Variants in GPC6 observed in about 807,000 individuals in gnomAD.
GPC6 encodes glypican-6.
GPC6 carries 14 observed loss-of-function variants against 55.2 expected under a neutral mutation model. The ratio of observed to expected loss-of-function variants is 0.25; its 90% confidence interval spans 0.17 to 0.40. The LOEUF is 0.40. Ranked by LOEUF, GPC6 falls within the 10% of genes least tolerant of loss-of-function variation. The probability of loss-of-function intolerance (pLI) is 1.00; values close to 1 mark genes in which losing one functional copy is unlikely to be tolerated. For synonymous variants in GPC6, 278 were observed against 259.6 expected (o/e 1.07, Z -0.68); for missense variants, 641 against 708.5 (o/e 0.90, Z 1.08).
At chr13:93,548,740 C>T (rs1260304619) in intron 2 of GPC6, among the ~76,000 whole-genome samples, 1 of 152,266 alleles carries the variant, frequency 6.6e-6, no homozygotes, top group East Asian at 1.9e-4. Flanking sequence ...CTATGCTTAG[C>T]TCCAGGATTA....
At chr13:94,332,808 C>T (rs138124495) in intron 6 of GPC6, among the ~76,000 whole-genome samples, 1 of 152,230 alleles carries the variant, frequency 6.6e-6, no homozygotes, top group East Asian at 1.9e-4. Context: ...TTGCTATGAG[C>T]GAATTTGATG....
At chr13:94,040,321 G>A (rs1883486394) in intron 4 of GPC6, among the ~76,000 whole-genome samples, 1 of 151,916 alleles carries the variant, frequency 6.6e-6, no homozygotes, top group Non-Finnish European at 1.5e-5. Context: ...CAATATGTAA[G>A]GACCAAGGTA....
intron 7 of GPC6, among the ~76,000 whole-genome samples, chr13:94,397,501 G>T (rs903868292): frequency 6.6e-6 from 1 of 151,900 alleles, no homozygotes; most frequent in East Asian, 1.9e-4. Context: ...CTACCTAATC[G>T]AACCCAAGAT....
At chr13:93,258,519 C>T (rs1877030917) in intron 1 of GPC6, among the ~76,000 whole-genome samples, 1 of 152,090 alleles carries the variant, frequency 6.6e-6, no homozygotes, top group Non-Finnish European at 1.5e-5. Context: ...CCTAGTTCTT[C>T]ACCCCCAAGT....
intron 1 of GPC6, among the ~76,000 whole-genome samples, chr13:93,330,244 G>C (rs1337442107): frequency 6.6e-6 from 1 of 152,180 alleles, no homozygotes; most frequent in Non-Finnish European, 1.5e-5. Context: ...AATGCTCTTG[G>C]TTGGGTACAG....
intron 4 of GPC6, among the ~76,000 whole-genome samples, chr13:94,037,756 G>A (rs1460113702): frequency 2.6e-5 from 4 of 151,984 alleles, no homozygotes; most frequent in Middle Eastern, 3.4e-3. Flanking sequence ...GAGCATTTAG[G>A]AAGTAACTGT....
intron 1 of GPC6, among the ~76,000 whole-genome samples, chr13:93,470,679 T>A (rs919376123): frequency 2.6e-5 from 4 of 152,152 alleles, no homozygotes; most frequent in Non-Finnish European, 5.9e-5. Flanking sequence ...AGTATTCCCT[T>A]CTCTTTTTTT....
intron 1 of GPC6, among the ~76,000 whole-genome samples, chr13:93,504,482 G>GTTT (rs55771607): frequency 0.021 from 2,723 of 129,934 alleles, 132 homozygotes; most frequent in African/African-American, 0.059. Context: ...AAACAACATA[G>GTTT]TTTTTTTTTT....
intron 4 of GPC6, among the ~76,000 whole-genome samples, chr13:94,092,198 T>A (rs1285307666): frequency 6.6e-6 from 1 of 151,718 alleles, no homozygotes; most frequent in East Asian, 1.9e-4. Flanking sequence ...TACGATAGAT[T>A]ATTAACTATA....
chr13:94,100,029 G>A (rs1272981848), intron 4 of GPC6, among the ~76,000 whole-genome samples: 1 of 152,090 alleles, frequency 6.6e-6, no homozygotes, highest in African/African-American at 2.4e-5. Context: ...TAATACCTAG[G>A]TGATGAAATA....
chr13:93,958,780 G>A (rs1371350033), intron 3 of GPC6, among the ~76,000 whole-genome samples: 1 of 152,082 alleles, frequency 6.6e-6, no homozygotes, highest in Non-Finnish European at 1.5e-5. Flanking sequence ...TGGGCACTAA[G>A]GCCATTTTCA....
At chr13:93,569,132 A>G (rs1246716685) in intron 2 of GPC6, among the ~76,000 whole-genome samples, 1 of 152,186 alleles carries the variant, frequency 6.6e-6, no homozygotes, top group Non-Finnish European at 1.5e-5. Flanking sequence ...ATTTACATAG[A>G]ATGGATTTTG....
chr13:93,850,564 G>A (rs1175062753), intron 3 of GPC6, among the ~76,000 whole-genome samples: 1 of 151,638 alleles, frequency 6.6e-6, no homozygotes, highest in African/African-American at 2.4e-5. Flanking sequence ...CTAGTCACAA[G>A]GTATATGCAA....
chr13:93,731,685 C>T (rs536089864), intron 2 of GPC6, among the ~76,000 whole-genome samples: 12 of 152,120 alleles, frequency 7.9e-5, no homozygotes, highest in African/African-American at 2.9e-4. Flanking sequence ...ATCCATTGTA[C>T]ATCTAGATAT....
chr13:94,286,214 G>T, intron 4 of GPC6, 135 bp from the exon 5 acceptor site: 1 of 756,186 alleles, frequency 1.3e-6, no homozygotes, highest in Non-Finnish European at 2.2e-6. Flanking sequence ...ATTTCATTTT[G>T]GACTATATGA....
At chr13:94,233,868 A>C (rs767110920) in intron 4 of GPC6, among the ~76,000 whole-genome samples, 6 of 152,178 alleles carry the variant, frequency 3.9e-5, no homozygotes, top group Admixed American at 3.3e-4. Context: ...AAAAAAACAT[A>C]GCATATATAG....
intron 6 of GPC6, among the ~76,000 whole-genome samples, chr13:94,372,942 C>A (rs1299412273): frequency 6.6e-6 from 1 of 152,202 alleles, no homozygotes; most frequent in African/African-American, 2.4e-5. Flanking sequence ...AGGCACCCCC[C>A]AGCAGGAGCA....
chr13:93,231,380 C>CATATATATATATATATATAT (rs1204996148), intron 1 of GPC6, among the ~76,000 whole-genome samples: 5 of 30,934 alleles, frequency 1.6e-4, no homozygotes, highest in Non-Finnish European at 2.4e-4. Context: ...TATATATATA[C>CATATATATATATATATATAT]ATATATATAT....
At chr13:94,212,974 G>A (rs991326460) in intron 4 of GPC6, among the ~76,000 whole-genome samples, 1 of 152,200 alleles carries the variant, frequency 6.6e-6, no homozygotes, top group Non-Finnish European at 1.5e-5. Flanking sequence ...TGGCCAACAT[G>A]GTGAAACCCC....
Sources: allele counts gnomAD v4.1 joint callset (sites outside exome capture counted in the v4.1 genomes callset), GRCh38; gene constraint gnomAD v4.1.1; transcripts MANE v1.5; gene names NCBI Gene and HGNC (gene_info 2026-07-23, HGNC 2026-07-21).